The following KIF19 variants were observed in gnomAD, a reference collection of about 807,000 sequenced individuals.
KIF19 encodes the protein kinesin-like protein KIF19.
A neutral mutation model predicts 106.6 loss-of-function variants in KIF19; 98 were observed. The ratio of observed to expected loss-of-function variants is 0.92; its 90% CI spans 0.78 to 1.09. The LOEUF is 1.09. Ranked by LOEUF, KIF19 falls within the 50% of genes least tolerant of loss-of-function variation. KIF19 has a pLI of 0.00. For missense variants in KIF19, 1,373 were observed against 1,414.3 expected (o/e 0.97, Z 0.47); for synonymous variants, 516 against 584.2 (o/e 0.88, Z 1.68).
In KIF19 at chr17:74,350,544, G is replaced by A. The variant is rs769919022; in HGVS notation, c.1357G>A (p.Asp453Asn). ...GAACCGCGCCATGGAGGTCCAGATTGACACCTCCCGACACCTGCTCACCAT... is the reference window on the plus strand; with the variant it reads ...GAACCGCGCCATGGAGGTCCAGATTAACACCTCCCGACACCTGCTCACCAT... ...LENRAMEVQI[D>N]TSRHLLTIAG... is the part of the protein sequence containing the mutation. The change falls in exon 11 of 20, where the codon GAC (aspartate) becomes AAC (asparagine). Residue 453 changes from aspartate to asparagine, a missense_variant. Coordinates refer to ENST00000389916, the MANE Select transcript of KIF19 (RefSeq NM_153209.4). The A allele has an allele frequency of 6.2e-7, 1 of 1,612,908 alleles. No homozygotes were observed. Among genetic ancestry groups the A allele is most frequent in the East Asian group, 2.2e-5 (1 of 44,864 alleles).
chr17:74,328,809 C>CAT (rs770463196), intron 2 of KIF19: 8 of 278,276 alleles, frequency 2.9e-5, no homozygotes, highest in South Asian at 1.8e-4. Flanking sequence ...CCACAGAGCA[C>CAT]ATATATATAT....
chr17:74,350,970 C>G (rs540895036), intron 12 of KIF19, 65 bp downstream of exon 12: 1 of 1,548,124 alleles, frequency 6.5e-7, no homozygotes, highest in East Asian at 2.2e-5. Flanking sequence ...GTTTGAGAGG[C>G]AAGGCGGAGG....
At chr17:74,334,054 G>A (rs1281862282) in intron 2 of KIF19, among the ~76,000 whole-genome samples, 4 of 151,200 alleles carry the variant, frequency 2.6e-5, no homozygotes, top group Admixed American at 2.0e-4. Context: ...CAAACCCCTG[G>A]GCTCAAGCAA....
At chr17:74,343,697 G>A (rs2054448132) in intron 5 of KIF19, among the ~76,000 whole-genome samples, 1 of 152,210 alleles carries the variant, frequency 6.6e-6, no homozygotes, top group Non-Finnish European at 1.5e-5. Context: ...TCTCCTGGGT[G>A]ACATCTTAAG....
chr17:74,332,137 C>G (rs1165389868), intron 2 of KIF19, among the ~76,000 whole-genome samples: 1 of 150,154 alleles, frequency 6.7e-6, no homozygotes, highest in Admixed American at 6.6e-5. Context: ...GCTCCCTCTT[C>G]CTGTGTCAGA....
At chr17:74,347,528 C>A (rs1282022031) in intron 8 of KIF19, among the ~76,000 whole-genome samples, 8 of 145,294 alleles carry the variant, frequency 5.5e-5, no homozygotes, top group Non-Finnish European at 1.2e-4. Context: ...CAGATCGAGA[C>A]CCTGTCTCAA....
chr17:74,338,019 A>G (rs898839795), intron 2 of KIF19, among the ~76,000 whole-genome samples: 5 of 152,266 alleles, frequency 3.3e-5, no homozygotes, highest in Non-Finnish European at 5.9e-5. Flanking sequence ...AGTGTACTAC[A>G]GGAGCCTGGT....
rs576918299 is a variant in KIF19, at chr17:74,332,109, T to C, written c.120+3604T>C. Among the ~76,000 whole-genome samples the C allele has an allele frequency of 3.3e-5, 5 of 152,054 alleles. No homozygotes were observed. The South Asian group carries it at 1.0e-3, about 32-fold the overall frequency. On this transcript the variant is annotated intron_variant, in intron 2 of 19. Transcript: ENST00000389916. ...TCGGGTCCCAGAGGTAAACAAAACC[T>C]GGCCCTTGAGCCTTCCTGCTCCCTC...
chr17:74,338,513 T>C (rs1238447295), intron 2 of KIF19, among the ~76,000 whole-genome samples: 1 of 151,990 alleles, frequency 6.6e-6, no homozygotes, highest in Non-Finnish European at 1.5e-5. Context: ...TCCCATCTGA[T>C]TGGGAAAGAC....
At chr17:74,352,621 G>A (rs2054747262) in intron 14 of KIF19, among the ~76,000 whole-genome samples, 200 bp from the exon 15 acceptor site, 3 of 152,172 alleles carry the variant, frequency 2.0e-5, no homozygotes, top group Non-Finnish European at 4.4e-5. Flanking sequence ...CCTCCCAGGA[G>A]ACCAAGCATC....
At position 74,352,912 on chromosome 17, in the gene KIF19, A is replaced by G. The variant is rs1433883562; in HGVS notation, c.2072A>G (p.Gln691Arg). 2 of 1,613,942 alleles carry G rather than the reference A, an allele frequency of 1.2e-6. No homozygotes were observed. The highest frequency in any genetic ancestry group is 1.7e-5 in the Admixed American group (1 of 60,020). The change falls in exon 15 of 20, where the codon CAG becomes CGG. Residue 691 changes from glutamine to arginine, a missense_variant. Gln to Arg is a conservative substitution (Grantham distance 43). Around this residue, in one of 3 missense-constraint regions of KIF19, gnomAD observed 1,020 missense variants for 1,008.2 expected, o/e 1.01. Coordinates refer to ENST00000389916, the MANE Select transcript of KIF19 (RefSeq NM_153209.4). ...ESVKTLSSDA[Q>R]HLQNSALPPL... is the part of the protein sequence containing the mutation. ...GTGAAGACATTGAGCTCTGATGCCC[A>G]GCACCTGCAGAACAGCGCCCTCCCT...
chr17:74,349,558 G>T (rs1483917791), intron 10 of KIF19, among the ~76,000 whole-genome samples: 1 of 152,206 alleles, frequency 6.6e-6, no homozygotes, highest in African/African-American at 2.4e-5. Context: ...ATCACAAGCC[G>T]ATTTCCCAAC....
intron 19 of KIF19, 114 bp from the exon 20 acceptor site, chr17:74,355,068 A>C: frequency 6.5e-6 from 10 of 1,538,786 alleles, no homozygotes; most frequent in South Asian, 4.9e-5. Context: ...CAGAATACTC[A>C]TGGGACTGGC....
chr17:74,347,847 A>C lies in KIF19; in HGVS notation c.995A>C (p.Glu332Ala), dbSNP rs779099169. The C allele has an allele frequency of 6.3e-7, 1 of 1,586,932 alleles. No homozygotes were observed. Among genetic ancestry groups the C allele is most frequent in the Admixed American group, 1.8e-5 (1 of 55,976 alleles). ...HISPASSAFE[E>A]SRNTLTYAGR... ...AGTCCTGCGAGCAGTGCCTTCGAGGAGTCCCGGAACACCCTGACCTACGCC... is the reference window on the plus strand; with the variant it reads ...AGTCCTGCGAGCAGTGCCTTCGAGGCGTCCCGGAACACCCTGACCTACGCC... Residue 332 changes from glutamate (E) to alanine (A), a missense_variant, in exon 9 of 20, where the codon GAG (glutamate) becomes GCG (alanine). Around this residue, in one of 3 missense-constraint regions of KIF19, gnomAD observed 1,020 missense variants for 1,008.2 expected, o/e 1.01. Transcript: ENST00000389916.
intron 2 of KIF19, among the ~76,000 whole-genome samples, chr17:74,338,441 C>T (rs1471025332): frequency 6.7e-6 from 1 of 150,170 alleles, no homozygotes; most frequent in Non-Finnish European, 1.5e-5. Flanking sequence ...CATTCTTTTC[C>T]CCGCACAAAG....
chr17:74,328,181 G>C (rs2053964806), intron 1 of KIF19, among the ~76,000 whole-genome samples: 1 of 152,106 alleles, frequency 6.6e-6, no homozygotes. Context: ...GCAGGCTGGA[G>C]GAGCAGACAG....
intron 16 of KIF19, 67 bp from the exon 17 acceptor site, chr17:74,353,427 G>A: frequency 1.3e-6 from 2 of 1,501,732 alleles, no homozygotes; most frequent in Non-Finnish European, 1.8e-6. Context: ...CGCTGTCTCT[G>A]CTGAGTGGGG....
At chr17:74,350,154 G>T (rs2054657081) in intron 10 of KIF19, among the ~76,000 whole-genome samples, 1 of 152,146 alleles carries the variant, frequency 6.6e-6, no homozygotes, top group African/African-American at 2.4e-5. Context: ...GTGCTGTAAG[G>T]GTTAGCAGGA....
intron 12 of KIF19, 79 bp downstream of exon 12, chr17:74,350,984 C>A: frequency 6.9e-7 from 1 of 1,456,602 alleles, no homozygotes; most frequent in Non-Finnish European, 9.6e-7. Flanking sequence ...GCGGAGGGGC[C>A]AGGGTGGGGG....
Sources: gnomAD v4.1 joint callset for allele counts (sites outside exome capture counted in the v4.1 genomes callset) on GRCh38, gnomAD v4.1.1 for gene constraint, gnomAD v4.1.1 regional missense constraint, MANE v1.5 for transcripts, NCBI Gene and HGNC (gene_info 2026-07-23, HGNC 2026-07-21) for gene names.